KATNAL2: variants seen among roughly 807,000 people sequenced by gnomAD.
KATNAL2 encodes katanin p60 ATPase-containing subunit A-like 2.
Under a neutral mutation model 76.3 loss-of-function variants are expected in KATNAL2, and 52 were observed. The observed-to-expected ratio is 0.68, with a 90% confidence interval of 0.55 to 0.86. The LOEUF (loss-of-function observed/expected upper bound fraction) is 0.86, where lower values mean the gene tolerates loss of function less well. KATNAL2 is among the 40% of genes least tolerant of loss of function. The pLI, the probability that KATNAL2 is intolerant of heterozygous loss-of-function variation, is 0.00. For synonymous variants in KATNAL2, 243 were observed against 244.2 expected (o/e 1.00, Z 0.05); for missense variants, 660 against 668.9 (o/e 0.99, Z 0.15).
chr18:46,958,246 T>C (rs1427156233), intron 3 of KATNAL2, among the ~76,000 whole-genome samples: 1 of 152,138 alleles, frequency 6.6e-6, no homozygotes, highest in Non-Finnish European at 1.5e-5. Context: ...CCTTCAGACT[T>C]GGACTGAAAC....
chr18:47,033,183 G>T, intron 3 of KATNAL2: 1 of 1,614,034 alleles, frequency 6.2e-7, no homozygotes, highest in Non-Finnish European at 8.5e-7. Context: ...TGCTGTCTCT[G>T]CCACCGCCGC....
At chr18:47,034,146 A>G (rs1040081999) in intron 3 of KATNAL2, 40 of 1,614,072 alleles carry the variant, frequency 2.5e-5, no homozygotes, top group Non-Finnish European at 3.3e-5. Flanking sequence ...CGAATTCCTC[A>G]GCCATATCTA....
At chr18:46,938,722 C>T (rs1434744130) in intron 1 of KATNAL2, among the ~76,000 whole-genome samples, 1 of 152,016 alleles carries the variant, frequency 6.6e-6, no homozygotes, top group Admixed American at 6.6e-5. Flanking sequence ...CAAAATCTTT[C>T]AATGGGTTTA....
intron 10 of KATNAL2, among the ~76,000 whole-genome samples, chr18:47,064,800 T>C (rs1295956836): frequency 6.6e-6 from 1 of 152,138 alleles, no homozygotes; most frequent in Non-Finnish European, 1.5e-5. Flanking sequence ...CCTGCTTGAA[T>C]GCTTACAGTG....
At chr18:47,060,715 G>T (rs2061605508) in intron 8 of KATNAL2, among the ~76,000 whole-genome samples, 1 of 152,090 alleles carries the variant, frequency 6.6e-6, no homozygotes. Context: ...TGAATTTGGA[G>T]GGGTGACTGG....
chr18:46,926,015 T>C (rs1185418974), intron 1 of KATNAL2, among the ~76,000 whole-genome samples: 1 of 152,326 alleles, frequency 6.6e-6, no homozygotes, highest in Non-Finnish European at 1.5e-5. Context: ...ATCAATTTTG[T>C]TGATCTTTTC....
intron 17 of KATNAL2, 58 bp downstream of exon 17, chr18:47,100,414 C>T: frequency 1.4e-6 from 2 of 1,392,342 alleles, no homozygotes; most frequent in South Asian, 2.4e-5. Flanking sequence ...TCCCTCTCAC[C>T]AGCAGATGGA....
chr18:46,938,608 C>A (rs1847979041), intron 1 of KATNAL2, among the ~76,000 whole-genome samples: 2 of 152,150 alleles, frequency 1.3e-5, no homozygotes, highest in Admixed American at 1.3e-4. Context: ...ACCTGGATAA[C>A]TTTCAGTAGC....
intron 3 of KATNAL2, among the ~76,000 whole-genome samples, chr18:47,042,703 A>G (rs2061002399): frequency 6.6e-6 from 1 of 152,264 alleles, no homozygotes; most frequent in Non-Finnish European, 1.5e-5. Flanking sequence ...GGAATGGAAC[A>G]CTGTGGGAAA....
chr18:47,084,263 A>G lies in KATNAL2; in HGVS notation c.1211+6802A>G, dbSNP rs73954224. 1.8e-3 allele frequency: 1,244 copies of G among 691,016 alleles called. 11 individuals carry two copies. In the African/African-American group the frequency reaches 0.019, roughly 11 times the overall value. The allele number at this position is 691,016 out of a possible 1,614,324, so 42.8% of individuals were successfully genotyped here. A position where few individuals can be genotyped will look rare whatever the true frequency, so the allele number is the denominator to read the frequency against. On this transcript the variant is annotated intron_variant, in intron 15 of 17. Transcript: ENST00000683218. The stretch of plus-strand genomic sequence containing the variant: ...TACATGAACCCTCTCCTGCTGGTGT[A>G]ACATTGCTATAGCAATGCATGCATG...
At chr18:47,035,352 C>G (rs985497360) in intron 3 of KATNAL2, 25 of 1,592,210 alleles carry the variant, frequency 1.6e-5, no homozygotes, top group East Asian at 2.2e-5. Flanking sequence ...GTGGCCGGTC[C>G]TCGCTGCCCG....
chr18:47,075,227 G>A (rs1291222790), intron 13 of KATNAL2, 50 bp from the exon 14 acceptor site: 3 of 1,431,692 alleles, frequency 2.1e-6, no homozygotes, highest in Non-Finnish European at 1.9e-6. Context: ...GAGCATCTGA[G>A]GACTTTAAGT....
intron 3 of KATNAL2, chr18:47,032,841 C>T (rs1486706145): frequency 2.1e-6 from 3 of 1,419,966 alleles, no homozygotes; most frequent in East Asian, 4.8e-5. Context: ...GTGTGGGAGG[C>T]AAAATCACAG....
Position 47,043,226 on chromosome 18 carries a change from C to CAAAAAAAAAAAAAAAAAAAAAAAAAA in KATNAL2, c.52-3212_52-3211insAAAAAAAAAAAAAAAAAAAAAAAAAA, listed in dbSNP as rs1195140135. On this transcript the variant is annotated intron_variant, in intron 3 of 17. Coordinates refer to ENST00000683218, the MANE Select transcript of KATNAL2 (RefSeq NM_001387690.1). The stretch of plus-strand genomic sequence containing the variant: ...CCGGCGACAGAGCGAGACTCCGTTT[C>CAAAAAAAAAAAAAAAAAAAAAAAAAA]AAAAAAAAAAAAAAAAAAAGAGATC... Among the ~76,000 whole-genome samples the CAAAAAAAAAAAAAAAAAAAAAAAAAA allele has an allele frequency of 1.3e-3, 56 of 41,676 alleles. 16 individuals carry two copies. Among genetic ancestry groups the CAAAAAAAAAAAAAAAAAAAAAAAAAA allele is most frequent in the Admixed American group, 3.0e-3 (10 of 3,370 alleles). The allele number at this position is 41,676 out of a possible 152,430, so 27.3% of individuals were successfully genotyped here.
rs371967829 is a variant in KATNAL2 at position 46,960,372 on chromosome 18, G to A, written c.51+13449G>A. ...TGAACTGGGGTGGGTGGAGGTTATA[G>A]TGAACCGAGATTGCTCCATTGCACT... is the stretch of plus-strand genomic sequence containing the variant. On this transcript the variant is annotated intron_variant, in intron 3 of 17. Coordinates refer to ENST00000683218, the MANE Select transcript of KATNAL2 (RefSeq NM_001387690.1). Among the ~76,000 whole-genome samples the A allele has an allele frequency of 4.0e-4, 60 of 151,650 alleles. No individual in the cohort carries two copies. In the East Asian group the frequency reaches 9.7e-3, roughly 24 times the overall value.
intron 3 of KATNAL2, among the ~76,000 whole-genome samples, chr18:47,042,618 T>C (rs1275266717): frequency 6.6e-6 from 1 of 152,088 alleles, no homozygotes; most frequent in Non-Finnish European, 1.5e-5. Context: ...AAATTAAAAA[T>C]GTTATTATCT....
At chr18:46,940,001 T>C (rs1390708944) in intron 1 of KATNAL2, among the ~76,000 whole-genome samples, 2 of 152,228 alleles carry the variant, frequency 1.3e-5, no homozygotes, top group East Asian at 1.9e-4. Flanking sequence ...TCAAGGAAAC[T>C]TGAGTAAGGC....
chr18:47,061,214 G>T (rs1467000156), intron 8 of KATNAL2, among the ~76,000 whole-genome samples: 1 of 152,144 alleles, frequency 6.6e-6, no homozygotes, highest in East Asian at 1.9e-4. Flanking sequence ...AATACCTGAG[G>T]CTGAGTAGTT....
At chr18:47,053,700 C>G (rs912822838) in intron 5 of KATNAL2, among the ~76,000 whole-genome samples, 3 of 152,194 alleles carry the variant, frequency 2.0e-5, no homozygotes, top group African/African-American at 7.2e-5. Flanking sequence ...TTTAACATTT[C>G]ATGTAGGGAC....
Sources: gnomAD v4.1 joint callset for allele counts (sites outside exome capture counted in the v4.1 genomes callset) on GRCh38, gnomAD v4.1.1 for gene constraint, MANE v1.5 for transcripts, NCBI Gene and HGNC (gene_info 2026-07-23, HGNC 2026-07-21) for gene names.